Variants in KAZN observed in about 807,000 individuals in gnomAD.
KAZN encodes the protein kazrin.
In KAZN, 40 loss-of-function variants were observed where a neutral mutation model predicts 87.4. The observed-to-expected ratio is 0.46, with a 90% CI of 0.36 to 0.60. The LOEUF (loss-of-function observed/expected upper bound fraction) is 0.60, where lower values mean the gene tolerates loss of function less well. Among genes scored for constraint, KAZN ranks in the 20% least tolerant of loss-of-function variants. KAZN has a pLI of 0.00. For missense variants in KAZN, 898 were observed against 1,073.9 expected (o/e 0.84, Z 2.29); for synonymous variants, 466 against 458.3 (o/e 1.02, Z -0.22).
At chr1:14,299,939 G>A (rs546759213) in intron 2 of KAZN, among the ~76,000 whole-genome samples, 12 of 152,294 alleles carry the variant, frequency 7.9e-5, no homozygotes, top group African/African-American at 9.6e-5. Context: ...TTACAGTGGT[G>A]GGTGGGGAGG....
At chr1:14,583,633 G>A (rs1675682439) in intron 2 of KAZN, among the ~76,000 whole-genome samples, 1 of 152,214 alleles carries the variant, frequency 6.6e-6, no homozygotes, top group South Asian at 2.1e-4. Context: ...GGTGAGGCAG[G>A]CCCCTGCTCT....
At chr1:14,419,977 C>T (rs1173677769) in intron 2 of KAZN, among the ~76,000 whole-genome samples, 4 of 152,294 alleles carry the variant, frequency 2.6e-5, no homozygotes, top group East Asian at 3.9e-4. Context: ...GATTGCCACT[C>T]CCGGCTCCGG....
At chr1:14,743,557 C>G (rs1391036511) in intron 1 of KAZN, among the ~76,000 whole-genome samples, 2 of 152,028 alleles carry the variant, frequency 1.3e-5, no homozygotes, top group African/African-American at 4.8e-5. Context: ...CAAAAAGAAA[C>G]AAAATGAACC....
At chr1:14,550,177 G>A (rs924054793) in intron 2 of KAZN, among the ~76,000 whole-genome samples, 2 of 152,172 alleles carry the variant, frequency 1.3e-5, no homozygotes, top group African/African-American at 4.8e-5. Context: ...AGGATCTGGG[G>A]ATACAGAGGT....
At chr1:15,064,436 C>T (rs1016629779) in intron 7 of KAZN, among the ~76,000 whole-genome samples, 31 of 152,204 alleles carry the variant, frequency 2.0e-4, no homozygotes, top group Non-Finnish European at 3.8e-4. Context: ...ACCCCGGTTA[C>T]GCATGATGCC....
intron 2 of KAZN, among the ~76,000 whole-genome samples, chr1:14,475,542 T>G (rs1394100205): frequency 6.6e-6 from 1 of 152,194 alleles, no homozygotes; most frequent in African/African-American, 2.4e-5. Flanking sequence ...ACTCAGAGAC[T>G]TCACTAAAAC....
Position 14,641,773 on chromosome 1 carries a change from A to T in KAZN, c.226+42550A>T, listed in dbSNP as rs1572114259. Among the ~76,000 whole-genome samples, 4 of 152,240 alleles carry T rather than the reference A, an allele frequency of 2.6e-5. No homozygotes were observed. In the South Asian group the frequency reaches 8.3e-4, roughly 32 times the overall value. ...CTTGAAAGTTCCATTACACTTGGAC[A>T]CGACACCAAAAGCACAACTCATGAC... On this transcript the variant is annotated intron_variant, in intron 1 of 14. Coordinates refer to ENST00000376030, the MANE Select transcript of KAZN (RefSeq NM_201628.3).
At chr1:14,443,679 A>G (rs1405592505) in intron 2 of KAZN, among the ~76,000 whole-genome samples, 3 of 152,208 alleles carry the variant, frequency 2.0e-5, no homozygotes, top group East Asian at 3.9e-4. Flanking sequence ...GCTAATCCCC[A>G]GTGACTCACT....
chr1:13,941,497 T>C (rs941507383), intron 1 of KAZN, among the ~76,000 whole-genome samples: 1 of 152,088 alleles, frequency 6.6e-6, no homozygotes, highest in African/African-American at 2.4e-5. Context: ...ACCCAAACCT[T>C]GGCAAGTCAA....
intron 1 of KAZN, among the ~76,000 whole-genome samples, chr1:13,950,813 G>A (rs1203961556): frequency 6.6e-6 from 1 of 152,290 alleles, no homozygotes; most frequent in South Asian, 2.1e-4. Flanking sequence ...GGTCAAGGGG[G>A]TTCAAGGATG....
intron 2 of KAZN, among the ~76,000 whole-genome samples, chr1:15,031,472 C>T (rs1051521727): frequency 2.0e-5 from 3 of 152,200 alleles, no homozygotes; most frequent in Admixed American, 6.5e-5. Context: ...GAGTCTGTTC[C>T]GTGCACCAAG....
chr1:14,052,933 C>G (rs1414340429), intron 1 of KAZN, among the ~76,000 whole-genome samples: 2 of 152,134 alleles, frequency 1.3e-5, no homozygotes, highest in African/African-American at 4.8e-5. Context: ...ATGTGGCAGA[C>G]AGAGCCTAGG....
chr1:14,272,373 G>A (rs964925733), intron 2 of KAZN, among the ~76,000 whole-genome samples: 2 of 152,108 alleles, frequency 1.3e-5, no homozygotes, highest in African/African-American at 2.4e-5. Flanking sequence ...TGTGTTTGGC[G>A]TTTTCTCTTT....
chr1:14,643,684 C>T (rs1435453005), intron 1 of KAZN, among the ~76,000 whole-genome samples: 1 of 152,166 alleles, frequency 6.6e-6, no homozygotes, highest in Non-Finnish European at 1.5e-5. Context: ...GGTATATACC[C>T]AGTAGGATTG....
intron 3 of KAZN, among the ~76,000 whole-genome samples, chr1:15,039,284 C>G (rs1373712588): frequency 6.6e-6 from 1 of 152,138 alleles, no homozygotes; most frequent in Non-Finnish European, 1.5e-5. Flanking sequence ...CCGAGGGCCA[C>G]ACGATTATGG....
intron 1 of KAZN, among the ~76,000 whole-genome samples, chr1:14,122,116 G>GAA (rs981738963): frequency 4.6e-5 from 7 of 152,254 alleles, no homozygotes; most frequent in African/African-American, 1.7e-4. Flanking sequence ...GTGTAGACGG[G>GAA]AAGTGCTGCA....
chr1:14,395,734 C>T (rs112517983), intron 2 of KAZN, among the ~76,000 whole-genome samples: 3 of 152,196 alleles, frequency 2.0e-5, no homozygotes, highest in African/African-American at 7.2e-5. Flanking sequence ...ACGGACTTGG[C>T]GGGGCAACAA....
At chr1:14,786,768 C>A (rs193116079) in intron 1 of KAZN, among the ~76,000 whole-genome samples, 13 of 152,306 alleles carry the variant, frequency 8.5e-5, no homozygotes, top group Admixed American at 8.5e-4. Context: ...TAGCACTCTC[C>A]CCTCAGCTCC....
At chr1:15,033,839 A>T (rs972368842) in intron 2 of KAZN, among the ~76,000 whole-genome samples, 2 of 152,146 alleles carry the variant, frequency 1.3e-5, no homozygotes, top group Non-Finnish European at 2.9e-5. Context: ...CCTAGGTTCA[A>T]GCAGTTCTCC....
Sources: allele counts gnomAD v4.1 joint callset (sites outside exome capture counted in the v4.1 genomes callset), GRCh38; gene constraint gnomAD v4.1.1; transcripts MANE v1.5; gene names NCBI Gene and HGNC (gene_info 2026-07-23, HGNC 2026-07-21).